WASHC5: variants seen among roughly 807,000 people sequenced by gnomAD.
WASHC5 encodes the protein WASH complex subunit strumpellin.
Under a neutral mutation model 150.4 loss-of-function variants are expected in WASHC5, and 101 were observed. The observed-to-expected ratio is 0.67, with a 90% CI of 0.57 to 0.79. The LOEUF (loss-of-function observed/expected upper bound fraction) is 0.79. WASHC5 is among the 30% of genes least tolerant of loss of function. WASHC5 has a pLI of 0.00. For synonymous variants in WASHC5, 467 were observed against 491.2 expected, an observed-to-expected ratio of 0.95 and a Z score of 0.65; for missense variants, 1,195 against 1,396.3, an observed-to-expected ratio of 0.86 and a Z score of 2.30.
chr8:125,075,794 T>G (rs1586380750), intron 7 of WASHC5, among the ~76,000 whole-genome samples: 2 of 152,358 alleles, frequency 1.3e-5, no homozygotes, highest in East Asian at 3.9e-4. Context: ...TGCATTTTGT[T>G]AAAGCCTCTT....
At chr8:125,079,792 A>G (rs773824578) in intron 5 of WASHC5, among the ~76,000 whole-genome samples, 1 of 152,154 alleles carries the variant, frequency 6.6e-6, no homozygotes, top group African/African-American at 2.4e-5. Flanking sequence ...TTTGACTCCA[A>G]ATGATTTCAG....
In WASHC5 at chr8:125,059,395, C is replaced by A; in HGVS notation, c.1669G>T (p.Ala557Ser). The A allele has an allele frequency of 1.9e-6, 3 of 1,614,116 alleles. No individual in the cohort carries two copies. Among genetic ancestry groups the A allele is most frequent in the Non-Finnish European group, 2.5e-6 (3 of 1,180,006 alleles). ...CATTACCTGTCAATCAACTGCCAAG[C>A]GAAAGAAAGGTCCCCAACGATCTGC... ...TMQIVGDLSF[A>S]WQLIDSFTSI... is the part of the protein sequence containing the mutation. Residue 557 changes from alanine to serine, a missense_variant, in exon 13 of 29, where the codon GCT becomes TCT. Around this residue, in one of 3 missense-constraint regions of WASHC5, gnomAD observed 997 missense variants for 1,168.1 expected, o/e 0.85. Transcript: ENST00000318410.
chr8:125,062,743 G>A (rs1305173623), intron 11 of WASHC5, among the ~76,000 whole-genome samples: 1 of 152,062 alleles, frequency 6.6e-6, no homozygotes, highest in Non-Finnish European at 1.5e-5. Context: ...TAAACAAGAA[G>A]CTACACTACT....
At chr8:125,058,555 T>C (rs552872202) in intron 14 of WASHC5, among the ~76,000 whole-genome samples, 2 of 152,288 alleles carry the variant, frequency 1.3e-5, no homozygotes, top group African/African-American at 4.8e-5. Context: ...AAGACCAGCC[T>C]GGTCAACATG....
At chr8:125,047,170 C>T (rs746148066) in intron 20 of WASHC5, 37 bp downstream of exon 20, 4 of 1,612,644 alleles carry the variant, frequency 2.5e-6, no homozygotes, top group Non-Finnish European at 2.5e-6. Flanking sequence ...AGACTGCCTG[C>T]AGTATTCAGG....
At chr8:125,062,686 T>C (rs76955663) in intron 11 of WASHC5, among the ~76,000 whole-genome samples, 3,999 of 152,224 alleles carry the variant, frequency 0.026, 181 homozygotes, top group African/African-American at 0.092. Flanking sequence ...AAACAAAAGC[T>C]AAAATACAGT....
intron 17 of WASHC5, among the ~76,000 whole-genome samples, chr8:125,053,890 T>C (rs898703477): frequency 2.0e-5 from 3 of 152,182 alleles, no homozygotes; most frequent in East Asian, 1.9e-4. Context: ...GTGGATAATA[T>C]CAAGTATTGG....
chr8:125,078,666 G>T, intron 6 of WASHC5, 72 bp downstream of exon 6: 1 of 1,209,090 alleles, frequency 8.3e-7, no homozygotes, highest in South Asian at 1.2e-5. Context: ...GGAAGGAAAG[G>T]AGTAATTAAA....
chr8:125,042,861 A>C lies in WASHC5; in HGVS notation c.2850+964T>G, dbSNP rs74896914. On this transcript the variant is annotated intron_variant, in intron 23 of 28. Coordinates refer to ENST00000318410, the MANE Select transcript of WASHC5 (RefSeq NM_014846.4). The stretch of plus-strand genomic sequence containing the variant: ...ACCTGTTCTGTTTAATGATCCAAAC[A>C]ACAACAACAACAACAACCACTCACC... Among the ~76,000 whole-genome samples, 415 of 152,210 alleles carry C rather than the reference A, an allele frequency of 2.7e-3. 2 individuals are homozygous for C. The highest frequency in any genetic ancestry group is 4.9e-3 in the Non-Finnish European group (331 of 68,002).
At chr8:125,046,048 A>G (rs1476110663) in intron 20 of WASHC5, among the ~76,000 whole-genome samples, 1 of 152,212 alleles carries the variant, frequency 6.6e-6, no homozygotes, top group African/African-American at 2.4e-5. Flanking sequence ...AACTTTCACA[A>G]GTTTCGAAGG....
At chr8:125,061,428 T>G (rs1037275789) in intron 11 of WASHC5, among the ~76,000 whole-genome samples, 1 of 152,130 alleles carries the variant, frequency 6.6e-6, no homozygotes, top group Non-Finnish European at 1.5e-5. Context: ...AAGGCTCAAG[T>G]GCATGCTATA....
Position 125,038,856 on chromosome 8 carries a change from C to T in WASHC5, c.3058G>A (p.Ala1020Thr). The T allele has an allele frequency of 6.2e-7, 1 of 1,614,046 alleles. No individual in the cohort carries two copies. Among genetic ancestry groups the T allele is most frequent in the Non-Finnish European group, 8.5e-7 (1 of 1,179,922 alleles). ...LYEITAYLEA[A>T]GIHNPLNKIY... ...TTATTCAGTGGGTTGTGAATGCCAG[C>T]TGCCTCCAGATAGGCTGTGATTTCA... is the stretch of plus-strand genomic sequence containing the variant. The change falls in exon 25 of 29, where the codon GCT (alanine) becomes ACT (threonine). Residue 1020 changes from alanine to threonine, a missense_variant. Ala to Thr is a moderately conservative substitution (Grantham distance 58). Around this residue, in one of 3 missense-constraint regions of WASHC5, gnomAD observed 997 missense variants for 1,168.1 expected, o/e 0.85. Transcript: ENST00000318410.
chr8:125,070,092 T>C (rs942937459), intron 9 of WASHC5, among the ~76,000 whole-genome samples: 1 of 152,190 alleles, frequency 6.6e-6, no homozygotes, highest in Non-Finnish European at 1.5e-5. Context: ...CATCAGAACT[T>C]TGGGGTCAAA....
Position 125,067,661 on chromosome 8 carries a change from A to G in WASHC5, c.1209T>C (p.Ser403=). The change falls in exon 10 of 29, where the codon TCT becomes TCC. Residue 403 remains serine (S), a synonymous_variant. Transcript: ENST00000318410. ...RQIKDQILTD[S]RYNPRILFQL... ...GGAAGAGGATCCTGGGATTGTACCG[A>G]GAGTCTGTTAGAATCTGGTCCTTGA... The G allele has an allele frequency of 6.2e-7, 1 of 1,613,752 alleles. No homozygotes were observed. The highest frequency in any genetic ancestry group is 1.1e-5 in the South Asian group (1 of 91,074).
intron 27 of WASHC5, among the ~76,000 whole-genome samples, chr8:125,031,609 C>A (rs994082351): frequency 6.6e-6 from 1 of 151,536 alleles, no homozygotes; most frequent in Non-Finnish European, 1.5e-5. Context: ...AATGACCAAG[C>A]AAACATGACA....
At chr8:125,053,806 G>A (rs370768008) in intron 17 of WASHC5, among the ~76,000 whole-genome samples, 1 of 152,094 alleles carries the variant, frequency 6.6e-6, no homozygotes, top group African/African-American at 2.4e-5. Context: ...TGGGCCCATC[G>A]CTACTCACCA....
At chr8:125,028,764 G>T in intron 27 of WASHC5, 57 bp from the exon 28 acceptor site, 3 of 1,221,770 alleles carry the variant, frequency 2.5e-6, no homozygotes, top group Non-Finnish European at 3.6e-6. Flanking sequence ...AAGCCCTTTT[G>T]GTCAGAATCC....
intron 17 of WASHC5, among the ~76,000 whole-genome samples, chr8:125,054,374 A>G (rs1036751861): frequency 5.9e-5 from 9 of 152,268 alleles, no homozygotes; most frequent in Non-Finnish European, 1.0e-4. Flanking sequence ...AAATAATGCC[A>G]TATGCTAAAA....
In WASHC5 at chr8:125,081,761, A is replaced by C. The variant is rs369064847; in HGVS notation, c.418T>G (p.Cys140Gly). Residue 140 changes from cysteine (C) to glycine (G), a missense_variant and splice_region_variant, in exon 5 of 29, where the codon TGT becomes GGT. Cys to Gly is a radical substitution (Grantham distance 159, BLOSUM62 -3). Around this residue, in one of 3 missense-constraint regions of WASHC5, gnomAD observed 195 missense variants for 206.9 expected, o/e 0.94. Transcript: ENST00000318410. ...LLNEDGKQLL[C>G]EALYLYGVML... is the part of the protein sequence containing the mutation. Reference sequence around the variant, plus strand: ...ACTCCATATAAGTACAGTGCTTCACACTAAGAAGAGAAGAGGACAAAAGCC... The same window carrying C: ...ACTCCATATAAGTACAGTGCTTCACCCTAAGAAGAGAAGAGGACAAAAGCC... The C allele has an allele frequency of 8.2e-6, 13 of 1,589,656 alleles. No individual in the cohort carries two copies. Among genetic ancestry groups the C allele is most frequent in the Non-Finnish European group, 1.1e-5 (13 of 1,158,086 alleles).
Sources: gnomAD v4.1 joint callset for allele counts (sites outside exome capture counted in the v4.1 genomes callset) on GRCh38, gnomAD v4.1.1 for gene constraint, gnomAD v4.1.1 regional missense constraint, MANE v1.5 for transcripts, NCBI Gene and HGNC (gene_info 2026-07-23, HGNC 2026-07-21) for gene names.